The following MFSD8 variants were observed in gnomAD, a reference collection of about 807,000 sequenced individuals.
The protein encoded by MFSD8 is major facilitator superfamily domain-containing protein 8.
Under a neutral mutation model 66.4 loss-of-function variants are expected in MFSD8, and 55 were observed. That is an observed-to-expected ratio of 0.83 (90% confidence interval 0.67 to 1.04). MFSD8 has a LOEUF of 1.04. MFSD8 is among the 50% of genes least tolerant of loss of function. MFSD8 has a pLI of 0.00. For missense variants in MFSD8, 550 were observed against 627.6 expected (o/e 0.88, Z 1.32); for synonymous variants, 202 against 212.8 (o/e 0.95, Z 0.44).
upstream of MFSD8, chr4:127,965,189 C>A: frequency 6.2e-7 from 1 of 1,605,912 alleles, no homozygotes; most frequent in Non-Finnish European, 8.5e-7. Context: ...CTGCTTTCTC[C>A]CATCCCGGGT....
intron 3 of MFSD8, among the ~76,000 whole-genome samples, chr4:127,944,888 C>T (rs184130143): frequency 3.3e-5 from 5 of 152,174 alleles, no homozygotes; most frequent in African/African-American, 7.2e-5. Flanking sequence ...TTGAACTTCC[C>T]GCCTCCAACT....
At chr4:127,936,227 C>T (rs1739060722) in intron 7 of MFSD8, among the ~76,000 whole-genome samples, 1 of 152,052 alleles carries the variant, frequency 6.6e-6, no homozygotes, top group Admixed American at 6.5e-5. Context: ...GATTCTCCTG[C>T]CTCAGCCTCA....
rs151310176 is a variant in MFSD8 at position 127,938,269 on chromosome 4, C to T, written c.754+514G>A. Among the ~76,000 whole-genome samples the T allele has an allele frequency of 4.4e-3, 665 of 152,116 alleles. 7 individuals carry two copies. The highest frequency in any genetic ancestry group is 0.015 in the African/African-American group (635 of 41,490). Reference sequence around the variant, plus strand: ...ATGTTTGTAACCTTGTCAATCATGACCACCAAATAACCAATATGGGTATGC... The same window carrying T: ...ATGTTTGTAACCTTGTCAATCATGATCACCAAATAACCAATATGGGTATGC... On this transcript the variant is annotated intron_variant, in intron 7 of 11. Coordinates refer to ENST00000641686, the MANE Select transcript of MFSD8 (RefSeq NM_001371596.2).
At chr4:127,940,516 G>GTATATATATATA (rs67791219) in intron 5 of MFSD8, among the ~76,000 whole-genome samples, 83 of 138,208 alleles carry the variant, frequency 6.0e-4, no homozygotes, top group South Asian at 2.1e-3. Flanking sequence ...TCTGTATATG[G>GTATATATATATA]TATATATATA....
intron 1 of MFSD8, among the ~76,000 whole-genome samples, chr4:127,962,462 C>T (rs899511427): frequency 3.3e-5 from 5 of 151,606 alleles, no homozygotes; most frequent in Admixed American, 1.3e-4. Flanking sequence ...AGCAAGACCC[C>T]GTCTCAAAAA....
Position 127,948,261 on chromosome 4 carries a change from A to G in MFSD8, c.198+1543T>C, listed in dbSNP as rs537520982. ...GTTGTTAACGCTCTCTAAAGTAATT[A>G]TTGGTCACAGCTAGTGCTAGGAAAA... On this transcript the variant is annotated intron_variant, in intron 3 of 11. Coordinates refer to ENST00000641686, the MANE Select transcript of MFSD8 (RefSeq NM_001371596.2). Among the ~76,000 whole-genome samples, 4 of 152,182 alleles carry G rather than the reference A, an allele frequency of 2.6e-5. No individual in the cohort carries two copies. The East Asian group carries it at 7.7e-4, about 29-fold the overall frequency.
intron 3 of MFSD8, among the ~76,000 whole-genome samples, chr4:127,947,898 A>ACACACACACT (rs777137519): frequency 5.0e-4 from 74 of 146,938 alleles, no homozygotes; most frequent in African/African-American, 1.7e-3. Context: ...ACACACACAC[A>ACACACACACT]CTCTCTCTCC....
chr4:127,953,762 C>T (rs576713296), intron 2 of MFSD8, among the ~76,000 whole-genome samples: 6 of 151,862 alleles, frequency 4.0e-5, no homozygotes, highest in African/African-American at 1.4e-4. Context: ...GGATTACAGG[C>T]GTGAGCCACC....
chr4:127,936,608 A>G (rs1433153938), intron 7 of MFSD8, among the ~76,000 whole-genome samples: 1 of 152,082 alleles, frequency 6.6e-6, no homozygotes, highest in Middle Eastern at 3.4e-3. Flanking sequence ...TGAAATCCAA[A>G]TTTAACTGGG....
intron 7 of MFSD8, among the ~76,000 whole-genome samples, chr4:127,936,703 ATTTC>A (rs1454859846): frequency 6.6e-6 from 1 of 151,832 alleles, no homozygotes; most frequent in African/African-American, 2.4e-5. Context: ...ATATTTTTAT[ATTTC>A]TTTATTAACT....
chr4:127,938,428 A>G (rs952225644), intron 7 of MFSD8, among the ~76,000 whole-genome samples: 4 of 151,878 alleles, frequency 2.6e-5, no homozygotes, highest in Admixed American at 1.3e-4. Flanking sequence ...CTAAAAATAC[A>G]AAAAATTAGC....
At chr4:127,958,127 T>C (rs1743185847) in intron 1 of MFSD8, among the ~76,000 whole-genome samples, 1 of 152,140 alleles carries the variant, frequency 6.6e-6, no homozygotes, top group Admixed American at 6.6e-5. Flanking sequence ...CCCTGGGACC[T>C]CCTAAATGGG....
chr4:127,922,068 GAT>G, intron 9 of MFSD8, 105 bp from the exon 10 acceptor site: 1 of 1,047,672 alleles, frequency 9.5e-7, no homozygotes, highest in Non-Finnish European at 1.4e-6. Flanking sequence ...TACTTTTAGT[GAT>G]ATATCCATTA....
intron 6 of MFSD8, 134 bp downstream of exon 6, chr4:127,939,719 G>C: frequency 2.1e-6 from 2 of 952,244 alleles, no homozygotes; most frequent in South Asian, 3.6e-5. Flanking sequence ...AGTACTACCT[G>C]ACCAAAAAAT....
intron 1 of MFSD8, among the ~76,000 whole-genome samples, chr4:127,963,880 C>T (rs951785358): frequency 2.2e-4 from 33 of 152,220 alleles, no homozygotes; most frequent in African/African-American, 7.0e-4. Flanking sequence ...TTTGACAGGG[C>T]GCTGATTGGT....
At chr4:127,942,265 C>T (rs992182122) in intron 4 of MFSD8, 107 bp from the exon 5 acceptor site, 4 of 797,528 alleles carry the variant, frequency 5.0e-6, no homozygotes, top group Non-Finnish European at 6.5e-6. Context: ...GTCAACAGTA[C>T]AGTCACTGCT....
intron 9 of MFSD8, among the ~76,000 whole-genome samples, chr4:127,922,220 A>AGT (rs1216727545): frequency 6.6e-6 from 1 of 152,212 alleles, no homozygotes; most frequent in Non-Finnish European, 1.5e-5. Flanking sequence ...AGTGACTACT[A>AGT]GGTCATGAGT....
At chr4:127,934,336 GAAAT>G (rs930783004) in intron 7 of MFSD8, among the ~76,000 whole-genome samples, 3 of 152,056 alleles carry the variant, frequency 2.0e-5, no homozygotes, top group African/African-American at 7.2e-5. Context: ...TTTCTGCAAA[GAAAT>G]AATCAGGATT....
rs1485138561 is a variant in MFSD8, at chr4:127,965,102, T to C, written c.32A>G (p.Glu11Gly). The C allele has an allele frequency of 1.2e-6, 2 of 1,613,918 alleles. No homozygotes were observed. Among genetic ancestry groups the C allele is most frequent in the Non-Finnish European group, 1.7e-6 (2 of 1,180,018 alleles). The change falls in exon 1 of 12, where the codon GAG becomes GGG. Residue 11 changes from glutamate (E) to glycine (G), a missense_variant. Transcript: ENST00000641686. The part of the protein sequence containing the change: MAGLRNESEQ[E>G]PLLGDTPGSR... ...TCCAGGTGTGTCGCCTAAGAGCGGCTCCTGTTCACTTTCGTTCCGCAGGCC... is the reference window on the plus strand; with the variant it reads ...TCCAGGTGTGTCGCCTAAGAGCGGCCCCTGTTCACTTTCGTTCCGCAGGCC...
Sources: gnomAD v4.1 joint callset for allele counts (sites outside exome capture counted in the v4.1 genomes callset) on GRCh38, gnomAD v4.1.1 for gene constraint, MANE v1.5 for transcripts, NCBI Gene and HGNC (gene_info 2026-07-23, HGNC 2026-07-21) for gene names.